DOCK10: variants seen among roughly 807,000 people sequenced by gnomAD.
DOCK10 encodes dedicator of cytokinesis protein 10.
In DOCK10, 145 loss-of-function variants were observed where a neutral mutation model predicts 280.1. The ratio of observed to expected loss-of-function variants is 0.52; its 90% CI spans 0.45 to 0.59. DOCK10 has a LOEUF of 0.59. Among genes scored for constraint, DOCK10 ranks in the 20% least tolerant of loss-of-function variants. The pLI is 0.00. For synonymous variants in DOCK10, 915 were observed against 942.2 expected, an observed-to-expected ratio of 0.97 and a Z score of 0.53; for missense variants, 2,368 against 2,651.7, an observed-to-expected ratio of 0.89 and a Z score of 2.35.
At chr2:224,997,312 T>G (rs957876782) in intron 1 of DOCK10, among the ~76,000 whole-genome samples, 4 of 150,782 alleles carry the variant, frequency 2.7e-5, no homozygotes, top group African/African-American at 9.7e-5. Context: ...GCTCACTGCA[T>G]CCTCTGCCTC....
intron 3 of DOCK10, among the ~76,000 whole-genome samples, chr2:224,908,042 A>ATG (rs149316414): frequency 0.015 from 2,320 of 150,960 alleles, 56 homozygotes; most frequent in African/African-American, 0.051. Context: ...AAGACTCTGA[A>ATG]TGTGTGTGTG....
chr2:224,931,310 C>T (rs759264805), intron 2 of DOCK10, among the ~76,000 whole-genome samples: 3 of 152,182 alleles, frequency 2.0e-5, no homozygotes, highest in South Asian at 2.1e-4. Flanking sequence ...CAGCTGGAAC[C>T]GGGCAGTGTC....
chr2:225,010,628 G>A (rs558622790), intron 1 of DOCK10: 2 of 154,386 alleles, frequency 1.3e-5, no homozygotes, highest in South Asian at 4.1e-4. Flanking sequence ...ATCAGTTCAG[G>A]CACTTCATCT....
rs568148323 is a variant in DOCK10, at chr2:224,863,602, G to A, written c.1603-856C>T. Among the ~76,000 whole-genome samples the A allele has an allele frequency of 2.8e-4, 43 of 152,068 alleles. No homozygotes were observed. In the South Asian group the frequency reaches 5.2e-3, roughly 18 times the overall value. On this transcript the variant is annotated intron_variant, in intron 13 of 55. Coordinates refer to ENST00000258390, the MANE Select transcript of DOCK10 (RefSeq NM_014689.3). ...CGAGTAGCTGGGACTACAGGCGCCC[G>A]CCACCACGCCTGGCTAATTTTTTGT...
intron 22 of DOCK10, 35 bp from the exon 23 acceptor site, chr2:224,841,931 G>C (rs1440447383): frequency 6.8e-7 from 1 of 1,475,228 alleles, no homozygotes; most frequent in Admixed American, 1.7e-5. Context: ...TATTTCTGAT[G>C]ACACGTAAAC....
intron 1 of DOCK10, among the ~76,000 whole-genome samples, chr2:225,034,847 C>G (rs148800052): frequency 6.6e-6 from 1 of 152,050 alleles, no homozygotes; most frequent in Non-Finnish European, 1.5e-5. Context: ...GGGTGGGGAG[C>G]CTGGTGGGAG....
chr2:224,956,493 A>G lies in DOCK10; in HGVS notation c.124-24825T>C, dbSNP rs1386785083. On this transcript the variant is annotated intron_variant, in intron 1 of 55. Transcript: ENST00000258390. ...ACAAAAATGAGCTGGGCATGGTGGC[A>G]TGCACCTGTAATCCCAGGTACTCAG... 2.0e-5 allele frequency among the ~76,000 whole-genome samples: 3 copies of G among 152,084 alleles called. No individual in the cohort carries two copies. The East Asian group carries it at 5.8e-4, about 29-fold the overall frequency.
In DOCK10 at chr2:224,773,291, T is replaced by C. The variant is rs1353156996; in HGVS notation, c.6070A>G (p.Thr2024Ala). Residue 2024 changes from threonine to alanine, a missense_variant, in exon 53 of 56, where the codon ACA becomes GCA. Thr to Ala is a moderately conservative substitution (Grantham distance 58). Coordinates refer to ENST00000258390, the MANE Select transcript of DOCK10 (RefSeq NM_014689.3). ...KRIQVISQSSTELNPIEVAID... is the reference protein window; with the variant it reads ...KRIQVISQSSAELNPIEVAID... ...GCCACTTCAATTGGATTCAGTTCTGTGCTCGATTGGCTAATTACTTGTATT... is the reference window on the plus strand; with the variant it reads ...GCCACTTCAATTGGATTCAGTTCTGCGCTCGATTGGCTAATTACTTGTATT... 6.2e-7 allele frequency: 1 copy of C among 1,613,918 alleles called. No individual in the cohort carries two copies.
intron 55 of DOCK10, among the ~76,000 whole-genome samples, chr2:224,767,035 C>T (rs1690114225): frequency 6.6e-6 from 1 of 152,164 alleles, no homozygotes; most frequent in South Asian, 2.1e-4. Flanking sequence ...GAGTGAATTG[C>T]ATATGTAGCT....
chr2:224,800,324 G>A, intron 40 of DOCK10, 61 bp from the exon 41 acceptor site: 2 of 961,760 alleles, frequency 2.1e-6, no homozygotes, highest in Non-Finnish European at 3.1e-6. Flanking sequence ...ACCCTATAAA[G>A]GATTTCCTTT....
chr2:224,787,377 T>C lies in DOCK10; in HGVS notation c.5439A>G (p.Leu1813=), dbSNP rs777106255. 8.7e-6 allele frequency: 14 copies of C among 1,613,896 alleles called. No individual in the cohort carries two copies. The highest frequency in any genetic ancestry group is 1.2e-5 in the Non-Finnish European group (14 of 1,179,882). The part of the protein sequence containing the change: ...PYNENILVEQ[L]YMCVEFLWKS... ...TCCAGAGAAACTCCACACACATGTA[T>C]AGCTGCTCCACCAGGATATTCTGCA... Residue 1813 remains leucine, a synonymous_variant, in exon 49 of 56, where the codon CTA becomes CTG. Transcript: ENST00000258390.
intron 1 of DOCK10, among the ~76,000 whole-genome samples, chr2:224,961,404 CTT>C (rs1234738327): frequency 9.9e-5 from 11 of 110,996 alleles, no homozygotes; most frequent in Non-Finnish European, 1.5e-4. Flanking sequence ...CATTTTCTTT[CTT>C]TCTTTCTCTT....
chr2:224,881,846 A>G (rs767195640), intron 7 of DOCK10, among the ~76,000 whole-genome samples: 4 of 152,192 alleles, frequency 2.6e-5, no homozygotes, highest in Admixed American at 1.3e-4. Flanking sequence ...CCTGCTCCCA[A>G]TATGACTTGC....
chr2:224,919,746 G>A (rs571818181), intron 2 of DOCK10, among the ~76,000 whole-genome samples: 1 of 152,016 alleles, frequency 6.6e-6, no homozygotes, highest in Non-Finnish European at 1.5e-5. Context: ...GGAAGCACGG[G>A]GTTTGTATCC....
At chr2:224,804,321 C>A in intron 38 of DOCK10, 108 bp from the exon 39 acceptor site, 2 of 618,710 alleles carry the variant, frequency 3.2e-6, no homozygotes, top group South Asian at 4.4e-5. Flanking sequence ...ATTTCACATG[C>A]TGTGAATTAA....
rs1691436248 is a variant in DOCK10 at position 224,782,649 on chromosome 2, A to T, written c.5656-4365T>A. The stretch of plus-strand genomic sequence containing the variant: ...TCCTGCTATGAACGATCAGTTTTAA[A>T]CTTGTTTTCTAGTGTCTGGCTCATT... On this transcript the variant is annotated intron_variant, in intron 50 of 55. Coordinates refer to ENST00000258390, the MANE Select transcript of DOCK10 (RefSeq NM_014689.3). 3.9e-5 allele frequency among the ~76,000 whole-genome samples: 6 copies of T among 152,220 alleles called. No individual in the cohort carries two copies. The South Asian group carries it at 1.2e-3, about 32-fold the overall frequency.
chr2:224,894,056 A>G (rs1021588455), intron 4 of DOCK10, among the ~76,000 whole-genome samples: 4 of 152,208 alleles, frequency 2.6e-5, no homozygotes, highest in East Asian at 1.9e-4. Flanking sequence ...TTGAATACAT[A>G]AAGTTTCTTA....
At chr2:224,820,153 T>G (rs1375794491) in intron 28 of DOCK10, among the ~76,000 whole-genome samples, 1 of 152,198 alleles carries the variant, frequency 6.6e-6, no homozygotes, top group Non-Finnish European at 1.5e-5. Context: ...TGAGGAAGCT[T>G]GCATTTGAAG....
chr2:225,040,014 C>A (rs182262187), intron 1 of DOCK10, among the ~76,000 whole-genome samples: 1 of 152,130 alleles, frequency 6.6e-6, no homozygotes, highest in Non-Finnish European at 1.5e-5. Flanking sequence ...AATATTTTCC[C>A]CAACATCCTA....
Sources: gnomAD v4.1 joint callset for allele counts (sites outside exome capture counted in the v4.1 genomes callset) on GRCh38, gnomAD v4.1.1 for gene constraint, MANE v1.5 for transcripts, NCBI Gene and HGNC (gene_info 2026-07-23, HGNC 2026-07-21) for gene names.